The following NRXN3 variants were observed in gnomAD, a reference collection of about 807,000 sequenced individuals.
The protein encoded by NRXN3 is neurexin III.
Under a neutral mutation model 137.6 loss-of-function variants are expected in NRXN3, and 32 were observed. That is an observed-to-expected ratio of 0.23 (90% CI 0.18 to 0.31). The LOEUF is 0.31. Ranked by LOEUF, NRXN3 falls within the 10% of genes least tolerant of loss-of-function variation. The pLI is 1.00. For synonymous variants in NRXN3, 798 were observed against 784.5 expected (o/e 1.02, Z -0.29); for missense variants, 1,574 against 2,062.5 (o/e 0.76, Z 4.59).
At chr14:79,231,397 G>A (rs1336556283) in intron 15 of NRXN3, among the ~76,000 whole-genome samples, 1 of 152,128 alleles carries the variant, frequency 6.6e-6, no homozygotes, top group African/African-American at 2.4e-5. Flanking sequence ...TCATAGTGAT[G>A]AGTGGCACAG....
In NRXN3 at chr14:79,807,052, G is replaced by GC. The variant is rs2099210769; in HGVS notation, c.4093+1863dup. ...GAGTGCAGTGGCGTGTTTATAGCTC[G>GC]CTGCAGCCTTAAACTCCCGGGCTCA... is the stretch of plus-strand genomic sequence containing the variant. On this transcript the variant is annotated intron_variant, in intron 20 of 20. Transcript: ENST00000335750. Among the ~76,000 whole-genome samples the GC allele has an allele frequency of 2.3e-5, 3 of 129,422 alleles. No individual in the cohort carries two copies. In the South Asian group the frequency reaches 7.8e-4, roughly 34 times the overall value. The allele number at this position is 129,422 out of a possible 152,430, so 84.9% of individuals were successfully genotyped here. A position where few individuals can be genotyped will look rare whatever the true frequency, so the allele number is the denominator to read the frequency against.
At chr14:78,734,206 AACACACAC>A (rs10563958) in intron 8 of NRXN3, among the ~76,000 whole-genome samples, 6,766 of 137,638 alleles carry the variant, frequency 0.049, 178 homozygotes, top group African/African-American at 0.072. Context: ...CTGCATCTGA[AACACACAC>A]ACACACACAC....
At chr14:78,392,287 T>C (rs1251373279) in intron 4 of NRXN3, among the ~76,000 whole-genome samples, 1 of 152,198 alleles carries the variant, frequency 6.6e-6, no homozygotes, top group Non-Finnish European at 1.5e-5. Context: ...CAATGAAATA[T>C]GTGTTTTCCT....
chr14:79,712,673 C>T (rs1245744839), intron 19 of NRXN3, among the ~76,000 whole-genome samples: 1 of 152,132 alleles, frequency 6.6e-6, no homozygotes, highest in Non-Finnish European at 1.5e-5. Context: ...ATCAGTGCCA[C>T]AGCCAACAGC....
rs552870194 is a variant in NRXN3, at chr14:78,270,004, G to A, written c.710-8641G>A. Among the ~76,000 whole-genome samples the A allele has an allele frequency of 9.5e-4, 144 of 152,272 alleles. 1 individual carries two copies. Among genetic ancestry groups the A allele is most frequent in the Non-Finnish European group, 1.5e-3 (99 of 68,016 alleles). On this transcript the variant is annotated intron_variant, in intron 2 of 20. Coordinates refer to ENST00000335750, the MANE Select transcript of NRXN3 (RefSeq NM_001330195.2). ...CAGACACCTTGCTAAGTGCTTTTGC[G>A]TATGTTAGTTCTTTATAATGCTTAC...
intron 3 of NRXN3, among the ~76,000 whole-genome samples, chr14:78,294,417 A>G (rs113912264): frequency 0.01 from 1,570 of 152,118 alleles, 28 homozygotes; most frequent in African/African-American, 0.035. Context: ...TTAGCCAGGC[A>G]TGGTGGCACA....
At chr14:79,024,704 T>A (rs978276222) in intron 15 of NRXN3, among the ~76,000 whole-genome samples, 1 of 152,134 alleles carries the variant, frequency 6.6e-6, no homozygotes, top group Admixed American at 6.6e-5. Context: ...ATCTGTATAA[T>A]ATTGTGATTA....
intron 19 of NRXN3, among the ~76,000 whole-genome samples, chr14:79,789,172 T>C (rs938145234): frequency 6.6e-5 from 10 of 152,200 alleles, no homozygotes; most frequent in African/African-American, 2.4e-4. Context: ...ACTATATTTT[T>C]ATCCTGGAAG....
chr14:79,570,620 A>C (rs558480506), intron 16 of NRXN3: 1 of 152,330 alleles, frequency 6.6e-6, no homozygotes, highest in Non-Finnish European at 1.5e-5. Flanking sequence ...ATATGGAATG[A>C]GATATGATAA....
intron 17 of NRXN3, among the ~76,000 whole-genome samples, chr14:79,687,421 C>T (rs1226817163): frequency 1.3e-5 from 2 of 152,160 alleles, no homozygotes; most frequent in African/African-American, 4.8e-5. Context: ...GGGGAAGAGA[C>T]ATGGCAATAA....
intron 4 of NRXN3, among the ~76,000 whole-genome samples, chr14:78,373,538 T>C (rs189131715): frequency 6.6e-6 from 1 of 152,328 alleles, no homozygotes; most frequent in South Asian, 2.1e-4. Context: ...ACCTGCAAAC[T>C]ACAGCTGTTC....
At chr14:78,835,736 T>C (rs574001347) in intron 10 of NRXN3, among the ~76,000 whole-genome samples, 1 of 152,182 alleles carries the variant, frequency 6.6e-6, no homozygotes, top group South Asian at 2.1e-4. Flanking sequence ...TCCAAGACTT[T>C]CATTTGTCAA....
chr14:79,292,785 G>A (rs980126490), intron 15 of NRXN3, among the ~76,000 whole-genome samples: 2 of 152,162 alleles, frequency 1.3e-5, no homozygotes, highest in Non-Finnish European at 2.9e-5. Context: ...CAAAATAAAC[G>A]ATGTAACAGA....
intron 15 of NRXN3, among the ~76,000 whole-genome samples, chr14:79,164,206 T>A (rs553774851): frequency 6.6e-6 from 1 of 152,148 alleles, no homozygotes; most frequent in Non-Finnish European, 1.5e-5. Flanking sequence ...ATGTCTACTC[T>A]AACTATATAT....
intron 6 of NRXN3, among the ~76,000 whole-genome samples, chr14:78,679,698 C>G (rs1017818127): frequency 3.3e-5 from 5 of 152,090 alleles, no homozygotes; most frequent in Non-Finnish European, 4.4e-5. Flanking sequence ...AGTAGTTTGA[C>G]AAGGATGGAA....
rs189025269 is a variant in NRXN3, at chr14:78,279,172, A to G, written c.727+510A>G. Among the ~76,000 whole-genome samples, 287 of 152,330 alleles carry G rather than the reference A, an allele frequency of 1.9e-3. 1 individual carries two copies. The highest frequency in any genetic ancestry group is 2.4e-3 in the Non-Finnish European group (166 of 68,030). On this transcript the variant is annotated intron_variant, in intron 3 of 20. Transcript: ENST00000335750. ...TATTTATTGTTTTTCCTGGTTATGTAAATAATACATGCTCACTGTGGAAAA... is the reference window on the plus strand; with the variant it reads ...TATTTATTGTTTTTCCTGGTTATGTGAATAATACATGCTCACTGTGGAAAA...
intron 20 of NRXN3, among the ~76,000 whole-genome samples, chr14:79,818,220 A>AT (rs1282423466): frequency 1.3e-5 from 2 of 151,934 alleles, no homozygotes; most frequent in East Asian, 1.9e-4. Flanking sequence ...CGCCTGGCTA[A>AT]TTTTTTGTGT....
intron 15 of NRXN3, among the ~76,000 whole-genome samples, chr14:79,130,227 T>C (rs2057248813): frequency 1.3e-5 from 2 of 152,092 alleles, no homozygotes; most frequent in Admixed American, 1.3e-4. Flanking sequence ...CATTATGATG[T>C]TAGCTCGTTA....
intron 19 of NRXN3, among the ~76,000 whole-genome samples, chr14:79,769,743 A>C (rs184258640): frequency 1.3e-4 from 20 of 152,284 alleles, no homozygotes; most frequent in African/African-American, 4.6e-4. Context: ...AGCTAACATC[A>C]TAACGACAGG....
Sources: allele counts gnomAD v4.1 joint callset (sites outside exome capture counted in the v4.1 genomes callset), GRCh38; gene constraint gnomAD v4.1.1; transcripts MANE v1.5; gene names NCBI Gene and HGNC (gene_info 2026-07-23, HGNC 2026-07-21).